Variants in BOLL observed in about 807,000 individuals in gnomAD.
The protein encoded by BOLL is boule RNA binding protein.
Under a neutral mutation model 44.4 loss-of-function variants are expected in BOLL, and 23 were observed. The observed-to-expected ratio is 0.52, with a 90% confidence interval of 0.37 to 0.73. The LOEUF is 0.73. BOLL is among the 30% of genes least tolerant of loss of function. The pLI is 0.00. For missense variants in BOLL, 287 were observed against 338.3 expected (o/e 0.85, Z 1.19); for synonymous variants, 97 against 110.8 (o/e 0.88, Z 0.78).
At chr2:197,729,754 T>C (rs1367994385) in intron 10 of BOLL, among the ~76,000 whole-genome samples, 1 of 152,014 alleles carries the variant, frequency 6.6e-6, no homozygotes, top group Non-Finnish European at 1.5e-5. Context: ...CTGAGGGTCC[T>C]CTCTGTTAGA....
At chr2:197,770,678 G>A (rs1689204664) in intron 6 of BOLL, among the ~76,000 whole-genome samples, 1 of 152,266 alleles carries the variant, frequency 6.6e-6, no homozygotes, top group South Asian at 2.1e-4. Flanking sequence ...CCATCAAAAA[G>A]TGGGTGAAGG....
chr2:197,773,966 A>C (rs1046160387), intron 5 of BOLL: 2 of 433,492 alleles, frequency 4.6e-6, no homozygotes, highest in African/African-American at 2.1e-5. Flanking sequence ...AAACTAAGAT[A>C]AGAATCCCTT....
chr2:197,765,570 T>C (rs1688954154), intron 7 of BOLL, among the ~76,000 whole-genome samples: 1 of 151,552 alleles, frequency 6.6e-6, no homozygotes, highest in South Asian at 2.1e-4. Context: ...TATCAAAACA[T>C]CACTACATAC....
At chr2:197,773,781 G>A (rs940618425) in intron 5 of BOLL, among the ~76,000 whole-genome samples, 3 of 151,912 alleles carry the variant, frequency 2.0e-5, no homozygotes, top group Admixed American at 6.6e-5. Context: ...GACAATAAGA[G>A]GTGCACTTTT....
chr2:197,756,664 T>A, intron 8 of BOLL, 108 bp from the exon 9 acceptor site: 1 of 1,011,222 alleles, frequency 9.9e-7, no homozygotes, highest in African/African-American at 1.7e-5. Flanking sequence ...TTTTACTAAA[T>A]TTTTTTTTAG....
At chr2:197,777,786 G>A (rs1041057717) in intron 3 of BOLL, among the ~76,000 whole-genome samples, 1 of 151,760 alleles carries the variant, frequency 6.6e-6, no homozygotes, top group Admixed American at 6.6e-5. Flanking sequence ...AAGAAAAAAT[G>A]TATCTCTCAA....
chr2:197,764,777 A>C (rs986745295), intron 7 of BOLL, among the ~76,000 whole-genome samples: 16 of 152,188 alleles, frequency 1.1e-4, no homozygotes, highest in Admixed American at 6.5e-4. Context: ...TAAATGTTGC[A>C]TATGCCTACA....
At chr2:197,785,846 C>T, upstream of BOLL, 1 of 796,510 alleles carries the variant, frequency 1.3e-6, no homozygotes, top group South Asian at 1.5e-5. The surrounding 1 kb of genome is among the most constrained non-coding windows in gnomAD (Gnocchi z 6.7). Flanking sequence ...CGATGGGGCA[C>T]CTGGCCACGT....
chr2:197,735,141 A>ATTTTTTTAAT (rs1687424815), intron 10 of BOLL, among the ~76,000 whole-genome samples: 1 of 152,060 alleles, frequency 6.6e-6, no homozygotes, highest in Non-Finnish European at 1.5e-5. Flanking sequence ...GATAAGATCA[A>ATTTTTTTAAT]GGGGAAATGT....
At position 197,753,156 on chromosome 2, in the gene BOLL, C is replaced by T. The variant is rs747085830; in HGVS notation, c.729+3272G>A. ...TACACCTTATACAAAAATTAACTCA[C>T]GATGGATTAATGACTTAAATGTAAG... On this transcript the variant is annotated intron_variant, in intron 9 of 10. Transcript: ENST00000392296. 5.3e-5 allele frequency among the ~76,000 whole-genome samples: 8 copies of T among 152,192 alleles called. No individual in the cohort carries two copies. In the Middle Eastern group the frequency reaches 0.01, roughly 194 times the overall value.
At chr2:197,749,089 C>A (rs1688115875) in intron 9 of BOLL, among the ~76,000 whole-genome samples, 1 of 152,334 alleles carries the variant, frequency 6.6e-6, no homozygotes, top group East Asian at 1.9e-4. Flanking sequence ...GATACCCAGG[C>A]AAACAGGGTC....
At chr2:197,748,525 T>A (rs1278766849) in intron 9 of BOLL, among the ~76,000 whole-genome samples, 1 of 152,198 alleles carries the variant, frequency 6.6e-6, no homozygotes, top group Non-Finnish European at 1.5e-5. Flanking sequence ...GAAGTCGACC[T>A]GGGATGCTCA....
intron 10 of BOLL, among the ~76,000 whole-genome samples, chr2:197,732,504 C>T (rs1227405514): frequency 6.6e-6 from 1 of 151,458 alleles, no homozygotes; most frequent in Non-Finnish European, 1.5e-5. Context: ...AGAGACACAA[C>T]AAAAAAAGAG....
At chr2:197,729,937 C>A (rs1463125767) in intron 10 of BOLL, among the ~76,000 whole-genome samples, 1 of 152,134 alleles carries the variant, frequency 6.6e-6, no homozygotes, top group African/African-American at 2.4e-5. Context: ...CAGTTCCTCA[C>A]CAGCAACAGA....
At chr2:197,738,827 A>C (rs1687614032) in intron 10 of BOLL, among the ~76,000 whole-genome samples, 1 of 152,188 alleles carries the variant, frequency 6.6e-6, no homozygotes, top group Non-Finnish European at 1.5e-5. Flanking sequence ...AAGTAAAAAA[A>C]GGCTAATGTT....
chr2:197,777,050 A>T lies in BOLL; in HGVS notation c.276+9T>A. The T allele has an allele frequency of 6.4e-7, 1 of 1,560,520 alleles. No individual in the cohort carries two copies. Among genetic ancestry groups the T allele is most frequent in the Non-Finnish European group, 8.7e-7 (1 of 1,144,166 alleles). On this transcript the variant is annotated intron_variant, in intron 4 of 10. Coordinates refer to ENST00000392296, the MANE Select transcript of BOLL (RefSeq NM_033030.6). ...CAGAAATGAAGTTAAATACACCAAA[A>T]GATCATACCTCTTGTAAAATTTTTT...
At chr2:197,736,319 C>T (rs1336198181) in intron 10 of BOLL, among the ~76,000 whole-genome samples, 10 of 151,682 alleles carry the variant, frequency 6.6e-5, no homozygotes, top group Admixed American at 5.3e-4. Context: ...TCATGAAAGA[C>T]AATAAAAGAC....
chr2:197,740,375 G>A (rs1049831393), intron 10 of BOLL, among the ~76,000 whole-genome samples: 1 of 152,162 alleles, frequency 6.6e-6, no homozygotes, highest in Non-Finnish European at 1.5e-5. Flanking sequence ...TGATCAGTCT[G>A]TGGCTCTTTA....
chr2:197,743,299 T>C, intron 9 of BOLL, 140 bp from the exon 10 acceptor site: 4 of 502,238 alleles, frequency 8.0e-6, no homozygotes, highest in Non-Finnish European at 1.4e-5. Flanking sequence ...TTAATTAACT[T>C]ATAATCTGAT....
Sources: gnomAD v4.1 joint callset for allele counts (sites outside exome capture counted in the v4.1 genomes callset) on GRCh38, gnomAD v4.1.1 for gene constraint, Gnocchi (gnomAD v3.1) non-coding constraint, MANE v1.5 for transcripts, NCBI Gene and HGNC (gene_info 2026-07-23, HGNC 2026-07-21) for gene names.